Variants in DMD observed in about 807,000 individuals in gnomAD.
DMD encodes the protein dystrophin, also known as mutant dystrophin.
In DMD, 63 loss-of-function variants were observed where a neutral mutation model predicts 330.1. That is an observed-to-expected ratio of 0.19 (90% confidence interval 0.16 to 0.24). The LOEUF (loss-of-function observed/expected upper bound fraction) is 0.24, where lower values mean the gene tolerates loss of function less well. Among genes scored for constraint, DMD ranks in the 10% least tolerant of loss-of-function variants. The pLI, the probability that DMD is intolerant of heterozygous loss-of-function variation, is 1.00. For synonymous variants in DMD, 1,223 were observed against 959.8 expected (o/e 1.27, Z -5.07); for missense variants, 3,344 against 2,684.1 (o/e 1.25, Z -5.43).
At chrX:32,774,718 C>T (rs943046169) in intron 7 of DMD, among the ~76,000 whole-genome samples, 1 of 111,062 alleles carries the variant, frequency 9.0e-6, no homozygotes, top group Admixed American at 9.6e-5. Flanking sequence ...CCTCCCTTGA[C>T]ACGTGGGGAT....
At chrX:31,398,467 G>A (rs1317791158) in intron 60 of DMD, among the ~76,000 whole-genome samples, 1 of 111,724 alleles carries the variant, frequency 9.0e-6, no homozygotes, top group African/African-American at 3.3e-5. Flanking sequence ...GAAAAAATGT[G>A]TTGTAGATAT....
At chrX:33,289,202 T>A (rs987697935) in intron 1 of DMD, among the ~76,000 whole-genome samples, 1 of 111,579 alleles carries the variant, frequency 9.0e-6, no homozygotes, top group Admixed American at 9.6e-5. Context: ...ATGCTCTTTT[T>A]TTCCTTTGAA....
chrX:31,422,932 T>A (rs1196814594), intron 60 of DMD, among the ~76,000 whole-genome samples: 1 of 111,424 alleles, frequency 9.0e-6, no homozygotes, highest in Non-Finnish European at 1.9e-5. Context: ...ATGGTCTTAA[T>A]TTTTTGTTAT....
At chrX:33,154,237 A>C in intron 1 of DMD, among the ~76,000 whole-genome samples, 1 of 110,852 alleles carries the variant, frequency 9.0e-6, no homozygotes, top group Non-Finnish European at 1.9e-5. Flanking sequence ...TCTCTACTAA[A>C]AATACAAAAA....
At chrX:32,564,288 G>A (rs4829261) in intron 16 of DMD, among the ~76,000 whole-genome samples, 52,208 of 110,206 alleles carry the variant, frequency 0.47, 8,819 homozygotes, top group East Asian at 0.66. Flanking sequence ...CCCTTAAAAG[G>A]GATGCACGTC....
At chrX:32,025,479 C>A (rs1004449967) in intron 44 of DMD, among the ~76,000 whole-genome samples, 8 of 111,489 alleles carry the variant, frequency 7.2e-5, no homozygotes, top group African/African-American at 2.6e-4. Context: ...AGCACAGAGA[C>A]AGAACATTTT....
chrX:32,452,031 CT>C (rs1162593668), intron 26 of DMD, among the ~76,000 whole-genome samples: 1 of 109,387 alleles, frequency 9.1e-6, no homozygotes, highest in Admixed American at 9.9e-5. Context: ...ACAGTTTACT[CT>C]AGAGCACAGG....
chrX:33,011,667 G>C (rs1264733661), intron 2 of DMD, among the ~76,000 whole-genome samples: 1 of 112,075 alleles, frequency 8.9e-6, no homozygotes, highest in Non-Finnish European at 1.9e-5. Context: ...AGTATGATTA[G>C]CACATAGCTG....
intron 60 of DMD, among the ~76,000 whole-genome samples, chrX:31,377,055 A>G (rs930107301): frequency 2.7e-5 from 3 of 112,201 alleles, no homozygotes; most frequent in African/African-American, 6.5e-5. Context: ...CGTTACACAA[A>G]AAGATTTTAT....
At chrX:33,099,681 A>G (rs1160064536) in intron 1 of DMD, among the ~76,000 whole-genome samples, 1 of 112,205 alleles carries the variant, frequency 8.9e-6, no homozygotes, top group African/African-American at 3.2e-5. Flanking sequence ...TCTCTAGAAT[A>G]GTTCTCATTT....
chrX:32,772,677 A>C (rs905839377), intron 7 of DMD, among the ~76,000 whole-genome samples: 2 of 111,203 alleles, frequency 1.8e-5, no homozygotes, highest in Non-Finnish European at 3.8e-5. Context: ...ATTTCTCCCT[A>C]TGTAAGTGAA....
intron 51 of DMD, among the ~76,000 whole-genome samples, chrX:31,762,446 G>A (rs923113046): frequency 8.1e-5 from 9 of 111,262 alleles, no homozygotes; most frequent in South Asian, 3.8e-4. Context: ...GTGCGTTCCC[G>A]TAATCCCAGC....
At chrX:31,176,270 T>TA (rs2040491369) in intron 71 of DMD, among the ~76,000 whole-genome samples, 1 of 111,741 alleles carries the variant, frequency 8.9e-6, no homozygotes, top group Admixed American at 9.5e-5. Flanking sequence ...CAACTCTTCA[T>TA]AAAAAGGCAA....
intron 43 of DMD, among the ~76,000 whole-genome samples, chrX:32,255,034 A>T (rs1421925635): frequency 8.9e-6 from 1 of 111,858 alleles, no homozygotes; most frequent in Admixed American, 9.5e-5. Flanking sequence ...GCAACCATGC[A>T]ACTATTTGTC....
intron 55 of DMD, among the ~76,000 whole-genome samples, chrX:31,516,278 C>CAA (rs72056571): frequency 0.2 from 10,110 of 51,632 alleles, 653 homozygotes; most frequent in Middle Eastern, 0.36. Flanking sequence ...AAAACAAGCG[C>CAA]AAAAAAAAAA....
chrX:32,458,763 A>G (rs1452278421), intron 25 of DMD, among the ~76,000 whole-genome samples: 1 of 111,619 alleles, frequency 9.0e-6, no homozygotes, highest in African/African-American at 3.2e-5. Context: ...GCACCTTTTC[A>G]TATACCTGTT....
intron 7 of DMD, among the ~76,000 whole-genome samples, chrX:32,748,402 G>A (rs908595073): frequency 9.1e-6 from 1 of 110,227 alleles, no homozygotes; most frequent in African/African-American, 3.3e-5. Context: ...AACTGCGAGG[G>A]TGGGGCATTT....
chrX:32,708,592 C>T lies in DMD; in HGVS notation c.650-9299G>A, dbSNP rs182745304. ...CACATAATTGTAATTCATAGGTTTG[C>T]TTGCATTCATGCCTTCATTAAGTAT... On this transcript the variant is annotated intron_variant, in intron 7 of 78. Transcript: ENST00000357033. Among the ~76,000 whole-genome samples the T allele has an allele frequency of 2.7e-5, 3 of 111,785 alleles. No homozygotes were observed. The East Asian group carries it at 8.4e-4, about 31-fold the overall frequency.
chrX:32,940,078 A>G (rs895135340), intron 2 of DMD, among the ~76,000 whole-genome samples: 2 of 112,003 alleles, frequency 1.8e-5, no homozygotes, highest in African/African-American at 6.5e-5. Flanking sequence ...AATCCTAAGG[A>G]AAAAGAACAA....
Sources: allele counts gnomAD v4.1 joint callset (sites outside exome capture counted in the v4.1 genomes callset), GRCh38; gene constraint gnomAD v4.1.1; transcripts MANE v1.5; gene names NCBI Gene and HGNC (gene_info 2026-07-23, HGNC 2026-07-21).